Variants in ST3GAL1 observed in about 807,000 individuals in gnomAD.
ST3GAL1 encodes the protein CMP-N-acetylneuraminate-beta-galactosamide-alpha-2,3-sialyltransferase 1.
Under a neutral mutation model 34.1 loss-of-function variants are expected in ST3GAL1, and 16 were observed. The observed-to-expected ratio is 0.47, with a 90% confidence interval of 0.32 to 0.71. The LOEUF is 0.71. Ranked by LOEUF, ST3GAL1 falls within the 30% of genes least tolerant of loss-of-function variation. The probability of loss-of-function intolerance (pLI) is 0.04; values close to 1 mark genes in which losing one functional copy is unlikely to be tolerated. For missense variants in ST3GAL1, 353 were observed against 447.4 expected, an observed-to-expected ratio of 0.79 and a Z score of 1.90; for synonymous variants, 191 against 184.7, an observed-to-expected ratio of 1.03 and a Z score of -0.28.
chr8:133,512,207 C>A (rs1266177979), intron 2 of ST3GAL1, among the ~76,000 whole-genome samples: 1 of 152,194 alleles, frequency 6.6e-6, no homozygotes, highest in Non-Finnish European at 1.5e-5. Context: ...AACAGCACAG[C>A]CTTCAGTCTG....
At chr8:133,551,490 GAGAA>G (rs1256658587) in intron 1 of ST3GAL1, among the ~76,000 whole-genome samples, 2 of 148,724 alleles carry the variant, frequency 1.3e-5, no homozygotes, top group South Asian at 2.2e-4. Context: ...AAGAAAGAAA[GAGAA>G]AGAAAGAGAC....
intron 2 of ST3GAL1, among the ~76,000 whole-genome samples, chr8:133,506,956 T>TAATA (rs58208913): frequency 0.28 from 41,296 of 147,820 alleles, 5,984 homozygotes; most frequent in African/African-American, 0.36. Flanking sequence ...AATAAATAAA[T>TAATA]AATAAATAAA....
intron 3 of ST3GAL1, among the ~76,000 whole-genome samples, chr8:133,481,244 A>G (rs1816371957): frequency 6.6e-6 from 1 of 152,216 alleles, no homozygotes; most frequent in African/African-American, 2.4e-5. Flanking sequence ...CAGGTACAGA[A>G]GTGGCACATT....
intron 2 of ST3GAL1, among the ~76,000 whole-genome samples, chr8:133,519,933 G>C (rs1817753349): frequency 6.6e-6 from 1 of 152,234 alleles, no homozygotes; most frequent in Non-Finnish European, 1.5e-5. Flanking sequence ...CTGAGTGAAA[G>C]AGTGAGACTC....
At chr8:133,522,075 C>T (rs1354060502) in intron 2 of ST3GAL1, among the ~76,000 whole-genome samples, 1 of 152,178 alleles carries the variant, frequency 6.6e-6, no homozygotes, top group Non-Finnish European at 1.5e-5. Context: ...TCTCCAGCAG[C>T]CCAACTCTGG....
At chr8:133,561,435 G>A (rs966491037) in intron 1 of ST3GAL1, among the ~76,000 whole-genome samples, 2 of 152,032 alleles carry the variant, frequency 1.3e-5, no homozygotes, top group African/African-American at 4.8e-5. Flanking sequence ...AGTCTCACAG[G>A]TGGCAGCTGA....
intron 2 of ST3GAL1, among the ~76,000 whole-genome samples, chr8:133,529,611 C>T (rs1273438249): frequency 6.6e-6 from 1 of 152,178 alleles, no homozygotes; most frequent in Non-Finnish European, 1.5e-5. Context: ...AGGAAGTCAG[C>T]AACAGGAAGT....
At chr8:133,473,874 G>A (rs1187622006) in intron 5 of ST3GAL1, among the ~76,000 whole-genome samples, 1 of 152,206 alleles carries the variant, frequency 6.6e-6, no homozygotes, top group Admixed American at 6.5e-5. Context: ...CCATAGTGCT[G>A]AGGCTGAGAG....
intron 1 of ST3GAL1, among the ~76,000 whole-genome samples, chr8:133,567,546 T>G (rs538738237): frequency 6.6e-6 from 1 of 152,296 alleles, no homozygotes; most frequent in Admixed American, 6.5e-5. Flanking sequence ...CCTGGTGAGA[T>G]CACTGGGGTT....
intron 3 of ST3GAL1, among the ~76,000 whole-genome samples, chr8:133,498,154 G>A (rs1006076835): frequency 6.6e-6 from 1 of 152,222 alleles, no homozygotes; most frequent in African/African-American, 2.4e-5. Flanking sequence ...GCTCGACAGT[G>A]GACTGAATGT....
rs763172296 is a variant in ST3GAL1, at chr8:133,469,257, C to T, written c.307-3167G>A. On this transcript the variant is annotated intron_variant, in intron 5 of 9. Transcript: ENST00000522652. The surrounding 1 kb of genome is among the most constrained non-coding windows in gnomAD (Gnocchi z 4.3). ...GATTTGATATGGAGTCTCACTCTATCGCCCAGGCTGGAATGCAGTGGTGCG... is the reference window on the plus strand; with the variant it reads ...GATTTGATATGGAGTCTCACTCTATTGCCCAGGCTGGAATGCAGTGGTGCG... Among the ~76,000 whole-genome samples the T allele has an allele frequency of 3.9e-5, 6 of 152,152 alleles. No individual in the cohort carries two copies. Among genetic ancestry groups the T allele is most frequent in the Non-Finnish European group, 7.4e-5 (5 of 68,026 alleles).
intron 2 of ST3GAL1, among the ~76,000 whole-genome samples, chr8:133,523,941 A>G (rs759595382): frequency 1.6e-4 from 25 of 152,226 alleles, no homozygotes; most frequent in Non-Finnish European, 3.1e-4. Flanking sequence ...TCTGACCTCC[A>G]TTATGAGAAA....
At chr8:133,566,952 C>T (rs1163310949) in intron 1 of ST3GAL1, 1 of 152,214 alleles carries the variant, frequency 6.6e-6, no homozygotes, top group Non-Finnish European at 1.5e-5. Flanking sequence ...TCCCAATTCC[C>T]TTACCTCTTC....
intron 2 of ST3GAL1, among the ~76,000 whole-genome samples, chr8:133,503,667 G>C (rs143683258): frequency 6.6e-6 from 1 of 152,230 alleles, no homozygotes; most frequent in East Asian, 1.9e-4. Context: ...GTACGTCGCA[G>C]CTCCACCCTA....
At chr8:133,557,375 G>A (rs1285042746) in intron 1 of ST3GAL1, among the ~76,000 whole-genome samples, 2 of 152,182 alleles carry the variant, frequency 1.3e-5, no homozygotes, top group African/African-American at 4.8e-5. Context: ...CTGCTCTAGT[G>A]CAGGAGGGCA....
At chr8:133,504,650 T>C (rs1351285529) in intron 2 of ST3GAL1, among the ~76,000 whole-genome samples, 1 of 152,206 alleles carries the variant, frequency 6.6e-6, no homozygotes, top group African/African-American at 2.4e-5. Flanking sequence ...GTACAGGCTC[T>C]GCCCTCAAGA....
intron 1 of ST3GAL1, among the ~76,000 whole-genome samples, chr8:133,568,569 A>AT (rs1270296664): frequency 6.6e-6 from 1 of 151,992 alleles, no homozygotes; most frequent in Non-Finnish European, 1.5e-5. Context: ...GGTGGATTTT[A>AT]TTTTTTGCTT....
At chr8:133,496,511 G>A (rs927780250) in intron 3 of ST3GAL1, among the ~76,000 whole-genome samples, 5 of 152,298 alleles carry the variant, frequency 3.3e-5, no homozygotes, top group African/African-American at 1.2e-4. Context: ...AGAAGCAAAG[G>A]TTGTAGCATT....
intron 1 of ST3GAL1, among the ~76,000 whole-genome samples, chr8:133,559,337 G>GA (rs942376748): frequency 3.9e-5 from 6 of 152,158 alleles, no homozygotes; most frequent in African/African-American, 1.4e-4. Flanking sequence ...GTCGCAGGGA[G>GA]AAACAGAAAA....
Sources: gnomAD v4.1 joint callset for allele counts (sites outside exome capture counted in the v4.1 genomes callset) on GRCh38, gnomAD v4.1.1 for gene constraint, Gnocchi (gnomAD v3.1) non-coding constraint, MANE v1.5 for transcripts, NCBI Gene and HGNC (gene_info 2026-07-23, HGNC 2026-07-21) for gene names.